Variants in EXOSC7 observed in about 807,000 individuals in gnomAD.
The protein encoded by EXOSC7 is exosome component 7.
EXOSC7 carries 25 observed loss-of-function variants against 34.3 expected under a neutral mutation model. That is an observed-to-expected ratio of 0.73 (90% confidence interval 0.53 to 1.02). EXOSC7 has a LOEUF of 1.02. EXOSC7 is among the 50% of genes least tolerant of loss of function. The probability of loss-of-function intolerance (pLI) is 0.00; values close to 1 mark genes in which losing one functional copy is unlikely to be tolerated. For synonymous variants in EXOSC7, 130 were observed against 143.0 expected (o/e 0.91, Z 0.65); for missense variants, 370 against 368.5 (o/e 1.00, Z -0.03).
intron 3 of EXOSC7, among the ~76,000 whole-genome samples, chr3:44,995,766 TAGAG>T (rs1230729471): frequency 6.6e-6 from 1 of 152,190 alleles, no homozygotes; most frequent in African/African-American, 2.4e-5. Context: ...AGTACATAAT[TAGAG>T]AGGCAAAATT....
At chr3:44,994,582 G>T (rs1706664749) in intron 3 of EXOSC7, among the ~76,000 whole-genome samples, 1 of 152,104 alleles carries the variant, frequency 6.6e-6, no homozygotes, top group East Asian at 1.9e-4. Context: ...AAGAGTCCTT[G>T]GGCTGTGAGT....
chr3:44,977,839 A>AT (rs1314612516), intron 1 of EXOSC7, among the ~76,000 whole-genome samples: 2 of 152,166 alleles, frequency 1.3e-5, no homozygotes, highest in Admixed American at 1.3e-4. Flanking sequence ...TTCTCTCAAC[A>AT]TTTCATCCCT....
rs1231851243 is a variant in EXOSC7 at position 45,011,445 on chromosome 3, TG to T, written c.*107del. 1.4e-6 allele frequency: 1 copy of T among 727,238 alleles called. No individual in the cohort carries two copies. 45.0% of individuals were successfully genotyped at this position (727,238 alleles called of 1,614,324 possible). A position where few individuals can be genotyped will look rare whatever the true frequency, so the allele number is the denominator to read the frequency against. On this transcript the variant is annotated 3_prime_UTR_variant, in exon 8 of 8. Transcript: ENST00000265564. ...ACGAATTTACAGCAGCATTTGTACA[TG>T]TAAAATTAAAGGCTATTTTCTGGTC...
chr3:44,998,340 G>A (rs1400022374), intron 4 of EXOSC7, among the ~76,000 whole-genome samples: 2 of 151,610 alleles, frequency 1.3e-5, no homozygotes, highest in East Asian at 1.9e-4. Flanking sequence ...CTGGCCTTAC[G>A]GGGATTACAG....
intron 7 of EXOSC7, among the ~76,000 whole-genome samples, chr3:45,009,826 A>G (rs969735220): frequency 4.6e-5 from 7 of 152,170 alleles, no homozygotes; most frequent in Non-Finnish European, 1.0e-4. Flanking sequence ...GATTACAGGC[A>G]TCAGCCACCA....
At position 44,976,339 on chromosome 3, in the gene EXOSC7, C is replaced by G. The variant is rs374024896; in HGVS notation, c.57+5C>G. The G allele has an allele frequency of 5.7e-6, 9 of 1,569,440 alleles. No individual in the cohort carries two copies. The African/African-American group carries it at 9.8e-5, about 17-fold the overall frequency. On this transcript the variant is annotated splice_donor_5th_base_variant and intron_variant, in intron 1 of 7. Coordinates refer to ENST00000265564, the MANE Select transcript of EXOSC7 (RefSeq NM_015004.4). The stretch of plus-strand genomic sequence containing the variant: ...TACATCGTGCATGGCGTCCAGGTAG[C>G]TACAGCAGCGGCGTTGGGTCGGCCG...
chr3:44,987,503 C>T lies in EXOSC7; in HGVS notation c.58-1637C>T, dbSNP rs1451230271. Among the ~76,000 whole-genome samples the T allele has an allele frequency of 5.9e-5, 9 of 152,240 alleles. No homozygotes were observed. In the South Asian group the frequency reaches 1.7e-3, roughly 28 times the overall value. On this transcript the variant is annotated intron_variant, in intron 1 of 7. Transcript: ENST00000265564. Reference sequence around the variant, plus strand: ...GGGAGAAGCGCTTGAACGCAGGTGGCGGAGGTTGCAGTGAGCTGTGCCACA... The same window carrying T: ...GGGAGAAGCGCTTGAACGCAGGTGGTGGAGGTTGCAGTGAGCTGTGCCACA...
chr3:45,003,334 C>T (rs953366723), intron 5 of EXOSC7, among the ~76,000 whole-genome samples: 5 of 67,604 alleles, frequency 7.4e-5, no homozygotes, highest in African/African-American at 2.1e-4. Flanking sequence ...ACTGTGCGTG[C>T]GTGCGTGCGT....
intron 1 of EXOSC7, among the ~76,000 whole-genome samples, chr3:44,976,684 A>G (rs111621730): frequency 4.1e-4 from 63 of 152,296 alleles, no homozygotes; most frequent in African/African-American, 1.5e-3. Context: ...CTTCGAGGAA[A>G]TGGGAGTTTG....
intron 1 of EXOSC7, among the ~76,000 whole-genome samples, chr3:44,985,821 C>T (rs549674605): frequency 7.2e-5 from 11 of 152,192 alleles, no homozygotes; most frequent in East Asian, 1.9e-4. Context: ...TACAGAGAGC[C>T]GAGTGGTCTG....
intron 7 of EXOSC7, among the ~76,000 whole-genome samples, chr3:45,010,897 T>A (rs1236284817): frequency 6.6e-6 from 1 of 152,236 alleles, no homozygotes; most frequent in Non-Finnish European, 1.5e-5. Flanking sequence ...AAGCCCAGAT[T>A]TGATTGACAA....
intron 3 of EXOSC7, among the ~76,000 whole-genome samples, chr3:44,992,972 T>C (rs2125966619): frequency 6.6e-6 from 1 of 152,358 alleles, no homozygotes; most frequent in South Asian, 2.1e-4. Flanking sequence ...TGAACACTTG[T>C]ATTTTTCACT....
At chr3:44,983,303 C>G (rs1045668815) in intron 1 of EXOSC7, among the ~76,000 whole-genome samples, 1 of 152,144 alleles carries the variant, frequency 6.6e-6, no homozygotes, top group Non-Finnish European at 1.5e-5. Flanking sequence ...ATGCATGCCC[C>G]CAGAAGCAGG....
chr3:45,001,789 C>CAT (rs1706889542), intron 5 of EXOSC7, 181 bp downstream of exon 5: 1 of 573,690 alleles, frequency 1.7e-6, no homozygotes, highest in Non-Finnish European at 3.1e-6. Context: ...ATTAAAACTA[C>CAT]ATATATACGT....
In EXOSC7 at chr3:45,005,537, T is replaced by C; in HGVS notation, c.615+123T>C. Reference sequence around the variant, plus strand: ...TACCACACACCATATAGAAGTAGCTTTTACCCAAATCCAATAATTTGGTTA... The same window carrying C: ...TACCACACACCATATAGAAGTAGCTCTTACCCAAATCCAATAATTTGGTTA... On this transcript the variant is annotated intron_variant, in intron 6 of 7. Transcript: ENST00000265564. 7 of 910,516 alleles carry C rather than the reference T, an allele frequency of 7.7e-6. No homozygotes were observed. In the South Asian group the frequency reaches 1.5e-4, roughly 20 times the overall value. The allele number at this position is 910,516 out of a possible 1,614,324, so 56.4% of individuals were successfully genotyped here.
At chr3:45,001,366 C>T (rs945504653) in intron 4 of EXOSC7, among the ~76,000 whole-genome samples, 172 bp from the exon 5 acceptor site, 6 of 151,866 alleles carry the variant, frequency 4.0e-5, no homozygotes, top group Admixed American at 2.6e-4. Flanking sequence ...TTACTTGAAC[C>T]TGGGAGGCAG....
At chr3:44,990,512 G>T (rs540835150) in intron 3 of EXOSC7, among the ~76,000 whole-genome samples, 17 of 152,148 alleles carry the variant, frequency 1.1e-4, no homozygotes, top group African/African-American at 3.6e-4. Context: ...GGCTCATGCT[G>T]GGTGTAGGTA....
chr3:44,988,555 A>G (rs1706482611), intron 1 of EXOSC7, among the ~76,000 whole-genome samples: 1 of 152,336 alleles, frequency 6.6e-6, no homozygotes, highest in East Asian at 1.9e-4. Flanking sequence ...AATCATAGAC[A>G]TTACCTAAAC....
chr3:44,995,523 A>G (rs182556031), intron 3 of EXOSC7, among the ~76,000 whole-genome samples: 38 of 152,278 alleles, frequency 2.5e-4, no homozygotes, highest in South Asian at 1.7e-3. Flanking sequence ...AAGACCTGGG[A>G]CTTAATATTG....
Sources: allele counts gnomAD v4.1 joint callset (sites outside exome capture counted in the v4.1 genomes callset), GRCh38; gene constraint gnomAD v4.1.1; transcripts MANE v1.5; gene names NCBI Gene and HGNC (gene_info 2026-07-23, HGNC 2026-07-21).